The following DNAH2 variants were observed in gnomAD, a reference collection of about 807,000 sequenced individuals.
DNAH2 encodes axonemal beta dynein heavy chain 2.
Under a neutral mutation model 523.5 loss-of-function variants are expected in DNAH2, and 323 were observed. The observed-to-expected ratio is 0.62, with a 90% CI of 0.56 to 0.68. The LOEUF is 0.68. Ranked by LOEUF, DNAH2 falls within the 30% of genes least tolerant of loss-of-function variation. The pLI is 0.00. For missense variants in DNAH2, 4,907 were observed against 5,701.5 expected (o/e 0.86, Z 4.49); for synonymous variants, 2,093 against 2,177.4 (o/e 0.96, Z 1.08).
At chr17:7,728,598 A>C (rs2074894956) in intron 4 of DNAH2, among the ~76,000 whole-genome samples, 2 of 152,236 alleles carry the variant, frequency 1.3e-5, no homozygotes, top group African/African-American at 4.8e-5. Flanking sequence ...TATATGAAGG[A>C]AAACAACTTT....
intron 4 of DNAH2, among the ~76,000 whole-genome samples, chr17:7,729,512 C>G (rs1283365857): frequency 6.6e-6 from 1 of 152,106 alleles, no homozygotes; most frequent in Non-Finnish European, 1.5e-5. Context: ...CTCACTGCAA[C>G]CTCTGCCTTC....
chr17:7,786,724 C>G lies in DNAH2; in HGVS notation c.6466+37C>G. Reference sequence around the variant, plus strand: ...ATCGTGGGGTGTGGAGAGCAGACGCCTGAGTCTCCTAAGGGGGCAGGGAGT... The same window carrying G: ...ATCGTGGGGTGTGGAGAGCAGACGCGTGAGTCTCCTAAGGGGGCAGGGAGT... On this transcript the variant is annotated intron_variant, in intron 41 of 85. Transcript: ENST00000572933. This position sits in a 1 kb window ranked among gnomAD's most constrained non-coding sequence, Gnocchi z 7.5. 1 of 1,607,590 alleles carries G rather than the reference C, an allele frequency of 6.2e-7. No individual in the cohort carries two copies.
Position 7,774,955 on chromosome 17 carries a change from C to G in DNAH2, c.4698C>G (p.Ile1566Met). 1 of 1,613,994 alleles carries G rather than the reference C, an allele frequency of 6.2e-7. No homozygotes were observed. The highest frequency in any genetic ancestry group is 8.5e-7 in the Non-Finnish European group (1 of 1,180,036). ...ACCTCAAAAAATGCTTTGACAACAT[C>G]AAGTTGCTGAGAATCCAGAAGGTCA... ...QPHLKKCFDN[I>M]KLLRIQKVGG... The change falls in exon 29 of 86, where the codon ATC (isoleucine) becomes ATG (methionine). Residue 1566 changes from isoleucine (I) to methionine (M), a missense_variant. Transcript: ENST00000572933.
intron 58 of DNAH2, 54 bp from the exon 59 acceptor site, chr17:7,804,202 C>T (rs1156939332): frequency 6.3e-7 from 1 of 1,586,748 alleles, no homozygotes; most frequent in Non-Finnish European, 8.6e-7. Context: ...TTACAGGACA[C>T]CGCGCTTTCC....
rs1429511633 is a variant in DNAH2 at position 7,818,346 on chromosome 17, G to A, written c.10422G>A (p.Glu3474=). ...GRLLMRIGDK[E]VEYNTNFRFY... ...TGTTGATGCGCATTGGCGATAAGGAGGTGGAATATAATACCAATTTCCGTT... is the reference window on the plus strand; with the variant it reads ...TGTTGATGCGCATTGGCGATAAGGAAGTGGAATATAATACCAATTTCCGTT... Residue 3474 remains glutamate, a synonymous_variant, in exon 69 of 86, where the codon GAG becomes GAA. Coordinates refer to ENST00000572933, the MANE Select transcript of DNAH2 (RefSeq NM_020877.5). The A allele has an allele frequency of 2.5e-6, 4 of 1,614,068 alleles. No individual in the cohort carries two copies. The highest frequency in any genetic ancestry group is 2.7e-5 in the African/African-American group (2 of 74,924).
chr17:7,733,475 C>CTTTTTTTTTTTT (rs1199721840), intron 5 of DNAH2, among the ~76,000 whole-genome samples, 160 bp downstream of exon 5: 11 of 113,862 alleles, frequency 9.7e-5, no homozygotes, highest in Admixed American at 3.5e-4. Flanking sequence ...CCTTCTTCTT[C>CTTTTTTTTTTTT]TTTTTTTTTT....
At position 7,791,501 on chromosome 17, in the gene DNAH2, T is replaced by C. The variant is rs938569382; in HGVS notation, c.6901-416T>C. ...TTTCATTGCTTTAACTGCTATATAC[T>C]ATTCCATGATAGAACACTACATTTT... On this transcript the variant is annotated intron_variant, in intron 44 of 85. Transcript: ENST00000572933. 5.9e-5 allele frequency among the ~76,000 whole-genome samples: 9 copies of C among 152,382 alleles called. 1 individual carries two copies. In the South Asian group the frequency reaches 1.9e-3, roughly 32 times the overall value.
At chr17:7,762,484 C>T (rs1200683496) in intron 18 of DNAH2, among the ~76,000 whole-genome samples, 7 of 151,844 alleles carry the variant, frequency 4.6e-5, no homozygotes, top group East Asian at 1.9e-4. Flanking sequence ...TACGGGTGCC[C>T]GCCACCACGC....
Position 7,817,643 on chromosome 17 carries a change from A to G in DNAH2, c.10103A>G (p.Asn3368Ser). Residue 3368 changes from asparagine (N) to serine (S), a missense_variant, in exon 66 of 86, where the codon AAC becomes AGC. Physicochemically the swap from Asn to Ser is conservative, Grantham distance 46 (BLOSUM62 1). Coordinates refer to ENST00000572933, the MANE Select transcript of DNAH2 (RefSeq NM_020877.5). ...LCNPTKVRDW[N>S]IQGLPSDAFS... ...AATCCTACCAAAGTCCGGGACTGGA[A>G]CATCCAAGGGTTGCCCTCAGACGCC... 1 of 1,614,144 alleles carries G rather than the reference A, an allele frequency of 6.2e-7. No individual in the cohort carries two copies. Among genetic ancestry groups the G allele is most frequent in the Non-Finnish European group, 8.5e-7 (1 of 1,180,010 alleles).
chr17:7,761,484 G>A (rs1479024756), intron 18 of DNAH2, among the ~76,000 whole-genome samples: 2 of 151,512 alleles, frequency 1.3e-5, no homozygotes, highest in Non-Finnish European at 2.9e-5. Flanking sequence ...GCCCACTCAG[G>A]AAGAAAATCT....
intron 39 of DNAH2, among the ~76,000 whole-genome samples, chr17:7,781,685 T>C (rs1024615554): frequency 1.3e-5 from 2 of 152,192 alleles, no homozygotes; most frequent in African/African-American, 2.4e-5. Flanking sequence ...AACTCCCTCC[T>C]CCGCTGACCT....
At chr17:7,775,891 G>A (rs529520177) in intron 30 of DNAH2, 133 bp from the exon 31 acceptor site, 458 of 1,228,398 alleles carry the variant, frequency 3.7e-4, no homozygotes, top group South Asian at 7.8e-4. Context: ...AGGAACGCAA[G>A]CCAGCTGTTG....
chr17:7,807,725 C>T lies in DNAH2; in HGVS notation c.9729+139C>T. The T allele has an allele frequency of 1.3e-6, 1 of 749,358 alleles. No homozygotes were observed. Among genetic ancestry groups the T allele is most frequent in the East Asian group, 2.7e-5 (1 of 37,280 alleles). 46.4% of individuals were successfully genotyped at this position (749,358 alleles called of 1,614,324 possible). A position where few individuals can be genotyped will look rare whatever the true frequency, so the allele number is the denominator to read the frequency against. On this transcript the variant is annotated intron_variant, in intron 63 of 85. Transcript: ENST00000572933. This position sits in a 1 kb window ranked among gnomAD's most constrained non-coding sequence, Gnocchi z 5.6. ...CCATTCCAGTCCTGTCTCCTTCCCA[C>T]TCTGTGCCCTGTTTAGACTGGGCTG...
In DNAH2 at chr17:7,770,820, C is replaced by T. The variant is rs374915916; in HGVS notation, c.4249C>T (p.Arg1417Cys). 3.0e-5 allele frequency: 49 copies of T among 1,614,070 alleles called. No homozygotes were observed. The South Asian group carries it at 3.7e-4, about 12-fold the overall frequency. ...QVALSTMKAS[R>C]FVKAFEKDVD... ...AGCTCTGTCTACCATGAAGGCATCA[C>T]GCTTTGTCAAGGCCTTTGAGAAGGA... The change falls in exon 27 of 86, where the codon CGC (arginine) becomes TGC (cysteine). Residue 1417 changes from arginine to cysteine, a missense_variant. Coordinates refer to ENST00000572933, the MANE Select transcript of DNAH2 (RefSeq NM_020877.5).
Position 7,766,379 on chromosome 17 carries a change from C to G in DNAH2, c.3573C>G (p.Ala1191=), listed in dbSNP as rs1454891275. The G allele has an allele frequency of 6.2e-7, 1 of 1,613,978 alleles. No homozygotes were observed. The highest frequency in any genetic ancestry group is 8.5e-7 in the Non-Finnish European group (1 of 1,180,024). ...TAGACCAGATTACACAAGTGCGGGC[C>G]ATGCTGATGGCCATGCGGGAAGAGG... The part of the protein sequence containing the change: ...SALDQITQVR[A]MLMAMREEEN... The change falls in exon 22 of 86, where the codon GCC becomes GCG. Residue 1191 remains alanine (A), a synonymous_variant. Transcript: ENST00000572933.
intron 39 of DNAH2, among the ~76,000 whole-genome samples, chr17:7,784,495 A>G (rs2076683560): frequency 6.6e-6 from 1 of 152,072 alleles, no homozygotes; most frequent in Non-Finnish European, 1.5e-5. Context: ...TTGAGCCATG[A>G]CTGTACCACT....
chr17:7,726,682 C>T (rs1198613678), intron 3 of DNAH2, among the ~76,000 whole-genome samples: 1 of 152,096 alleles, frequency 6.6e-6, no homozygotes, highest in Non-Finnish European at 1.5e-5. Flanking sequence ...TAGTATTTTA[C>T]ACTTCTTTTG....
At chr17:7,747,271 A>G (rs945210170) in intron 12 of DNAH2, among the ~76,000 whole-genome samples, 1 of 151,284 alleles carries the variant, frequency 6.6e-6, no homozygotes, top group African/African-American at 2.4e-5. Context: ...ACCCCGTCAC[A>G]CCTTGCTTTT....
chr17:7,808,729 C>T (rs56807395), intron 63 of DNAH2, among the ~76,000 whole-genome samples: 3,471 of 152,290 alleles, frequency 0.023, 115 homozygotes, highest in East Asian at 0.11. Context: ...CCTGCCTCAG[C>T]CTCCTGAGTA....
Sources: gnomAD v4.1 joint callset for allele counts (sites outside exome capture counted in the v4.1 genomes callset) on GRCh38, gnomAD v4.1.1 for gene constraint, Gnocchi (gnomAD v3.1) non-coding constraint, MANE v1.5 for transcripts, NCBI Gene and HGNC (gene_info 2026-07-23, HGNC 2026-07-21) for gene names.